TVP23C: variants seen among roughly 807,000 people sequenced by gnomAD.
TVP23C encodes trans-golgi network vesicle protein 23 homolog C.
TVP23C carries 19 observed loss-of-function variants against 28.7 expected under a neutral mutation model. The observed-to-expected ratio is 0.66, with a 90% CI of 0.46 to 0.97. The LOEUF (loss-of-function observed/expected upper bound fraction) is 0.97, where lower values mean the gene tolerates loss of function less well. Ranked by LOEUF, TVP23C falls within the 50% of genes least tolerant of loss-of-function variation. TVP23C has a pLI of 0.00. For synonymous variants in TVP23C, 68 were observed against 81.7 expected (o/e 0.83, Z 0.90); for missense variants, 186 against 241.3 (o/e 0.77, Z 1.52).
At chr17:15,526,185 G>A (rs1343670163) in intron 5 of TVP23C, among the ~76,000 whole-genome samples, 1 of 149,914 alleles carries the variant, frequency 6.7e-6, no homozygotes, top group Non-Finnish European at 1.5e-5. Context: ...CTGCTCTACA[G>A]AGATGCCTCT....
At chr17:15,555,442 C>G (rs745876476) in intron 1 of TVP23C, 78 bp from the exon 2 acceptor site, 4 of 1,566,394 alleles carry the variant, frequency 2.6e-6, no homozygotes, top group Admixed American at 1.7e-5. Flanking sequence ...AAGCTGCATA[C>G]TCATCAAAAT....
chr17:15,531,698 G>A (rs189855363), intron 5 of TVP23C, among the ~76,000 whole-genome samples: 2,807 of 152,046 alleles, frequency 0.018, 90 homozygotes, highest in African/African-American at 0.063. Context: ...AGTTTTTAAA[G>A]CATATTTAAA....
In TVP23C at chr17:15,503,254, T is replaced by C. The variant is rs1435000552; in HGVS notation, c.463-22A>G. ...GTCTCTACAAAAAATAAAATAAAAATAAATTAGCCAGGTGTAGTGGCGCGC... is the reference window on the plus strand; with the variant it reads ...GTCTCTACAAAAAATAAAATAAAAACAAATTAGCCAGGTGTAGTGGCGCGC... On this transcript the variant is annotated intron_variant, in intron 5 of 5. Coordinates refer to the TVP23C transcript ENST00000225576. 2.1e-6 allele frequency: 3 copies of C among 1,462,280 alleles called. No homozygotes were observed. The African/African-American group carries it at 4.3e-5, about 21-fold the overall frequency. The allele number at this position is 1,462,280 out of a possible 1,614,324, so 90.6% of individuals were successfully genotyped here.
At position 15,510,253 on chromosome 17, in the gene TVP23C, C is replaced by T. The variant is rs774812403; in HGVS notation, c.463-7021G>A. ...GGCTGGAGGAAGATGATGGTGAGAC[C>T]CGAGGGACTAAGACTTGAGCTAACA... On this transcript the variant is annotated intron_variant, in intron 5 of 5. Transcript: ENST00000225576. Among the ~76,000 whole-genome samples, 81 of 151,858 alleles carry T rather than the reference C, an allele frequency of 5.3e-4. 1 individual carries two copies. The highest frequency in any genetic ancestry group is 2.2e-4 in the Non-Finnish European group (15 of 67,994).
intron 5 of TVP23C, among the ~76,000 whole-genome samples, chr17:15,512,599 C>A (rs1341890126): frequency 6.6e-6 from 1 of 152,140 alleles, no homozygotes; most frequent in Non-Finnish European, 1.5e-5. Flanking sequence ...TGCCACAATC[C>A]CCAAACTACT....
At chr17:15,522,129 C>T (rs1384999531) in intron 5 of TVP23C, among the ~76,000 whole-genome samples, 3 of 152,094 alleles carry the variant, frequency 2.0e-5, no homozygotes, top group Non-Finnish European at 4.4e-5. Context: ...GCAAATAATA[C>T]AAATTACTAC....
At chr17:15,521,656 G>A (rs1175586167) in intron 5 of TVP23C, among the ~76,000 whole-genome samples, 1 of 152,240 alleles carries the variant, frequency 6.6e-6, no homozygotes, top group Non-Finnish European at 1.5e-5. Flanking sequence ...TGGCATTGGA[G>A]ATTAATGTGA....
intron 5 of TVP23C, among the ~76,000 whole-genome samples, chr17:15,525,005 C>G (rs930080094): frequency 2.0e-5 from 3 of 152,224 alleles, no homozygotes; most frequent in African/African-American, 7.2e-5. Flanking sequence ...GTTGGCCAAG[C>G]CAGATCTCCA....
intron 5 of TVP23C, among the ~76,000 whole-genome samples, chr17:15,520,513 C>A (rs1982430567): frequency 7.4e-6 from 1 of 135,440 alleles, no homozygotes; most frequent in Non-Finnish European, 1.6e-5. Context: ...GTTCTTTTCA[C>A]TTATGTCCAT....
chr17:15,519,871 C>A (rs1370861819), intron 5 of TVP23C, among the ~76,000 whole-genome samples: 7 of 152,258 alleles, frequency 4.6e-5, no homozygotes, highest in Non-Finnish European at 1.5e-5. Flanking sequence ...CACTGCACTC[C>A]AGCTGGGGCA....
chr17:15,521,499 G>A (rs113282630), intron 5 of TVP23C, among the ~76,000 whole-genome samples: 42 of 151,582 alleles, frequency 2.8e-4, no homozygotes, highest in African/African-American at 8.7e-4. Context: ...GCGAGACTCC[G>A]TCTCAAAAAA....
chr17:15,536,260 C>T (rs1983152348), downstream of TVP23C, among the ~76,000 whole-genome samples: 1 of 152,128 alleles, frequency 6.6e-6, no homozygotes, highest in South Asian at 2.1e-4. Flanking sequence ...ACAGTATCTA[C>T]CTCATTTCTC....
chr17:15,516,054 T>TA (rs1242299324), intron 5 of TVP23C, among the ~76,000 whole-genome samples: 1 of 152,136 alleles, frequency 6.6e-6, no homozygotes, highest in East Asian at 1.9e-4. Context: ...CTGCCATGAG[T>TA]AAAAGCTCCC....
intron 5 of TVP23C, among the ~76,000 whole-genome samples, chr17:15,521,192 T>G (rs547265318): frequency 8.3e-4 from 127 of 152,102 alleles, no homozygotes; most frequent in African/African-American, 2.8e-3. Context: ...TTTTGGTACT[T>G]AACAAGTTGA....
intron 5 of TVP23C, among the ~76,000 whole-genome samples, chr17:15,519,477 A>AAT (rs71353740): frequency 4.0e-5 from 4 of 99,978 alleles, no homozygotes; most frequent in Non-Finnish European, 9.0e-5. Context: ...ATCTCAAATA[A>AAT]ATATACACAC....
At chr17:15,512,666 A>G (rs1982050388) in intron 5 of TVP23C, among the ~76,000 whole-genome samples, 1 of 152,206 alleles carries the variant, frequency 6.6e-6, no homozygotes, top group Non-Finnish European at 1.5e-5. Context: ...ATATATATAT[A>G]TGTAAATTTT....
chr17:15,556,043 A>T (rs1567644962), intron 1 of TVP23C, among the ~76,000 whole-genome samples: 1 of 152,088 alleles, frequency 6.6e-6, no homozygotes, highest in African/African-American at 2.4e-5. Context: ...CAGCCTTCCA[A>T]GTTGCTGGGA....
chr17:15,559,938 A>G (rs1271963444), intron 1 of TVP23C, among the ~76,000 whole-genome samples: 1 of 149,540 alleles, frequency 6.7e-6, no homozygotes, highest in Non-Finnish European at 1.5e-5. Context: ...ACCAAGGAAC[A>G]TAAGGTGAGC....
intron 1 of TVP23C, among the ~76,000 whole-genome samples, chr17:15,557,342 G>C (rs893667294): frequency 7.0e-6 from 1 of 142,184 alleles, no homozygotes; most frequent in African/African-American, 2.5e-5. Flanking sequence ...CCAGGCTGGA[G>C]TACAGTGGTA....
Sources: allele counts gnomAD v4.1 joint callset (sites outside exome capture counted in the v4.1 genomes callset), GRCh38; gene constraint gnomAD v4.1.1; transcripts MANE v1.5; gene names NCBI Gene and HGNC (gene_info 2026-07-23, HGNC 2026-07-21).